The following PCDHA7 variants were observed in gnomAD, a reference collection of about 807,000 sequenced individuals.
PCDHA7 encodes protocadherin alpha-7.
A neutral mutation model predicts 57.2 loss-of-function variants in PCDHA7; 37 were observed. That is an observed-to-expected ratio of 0.65 (90% CI 0.50 to 0.85). The LOEUF (loss-of-function observed/expected upper bound fraction) is 0.85. PCDHA7 is among the 40% of genes least tolerant of loss of function. The probability of loss-of-function intolerance (pLI) is 0.00; values close to 1 mark genes in which losing one functional copy is unlikely to be tolerated. For synonymous variants in PCDHA7, 553 were observed against 558.8 expected (o/e 0.99, Z 0.15); for missense variants, 1,188 against 1,241.8 (o/e 0.96, Z 0.65).
intron 1 of PCDHA7, chr5:140,852,251 G>A: frequency 1.9e-6 from 1 of 527,556 alleles, no homozygotes; most frequent in Non-Finnish European, 2.5e-6. Flanking sequence ...ACACACTTTT[G>A]GAATATGCTA....
intron 1 of PCDHA7, chr5:140,871,538 ATTATTTAAAATCCAGTTTTTT>A (rs2053161122): frequency 1.3e-5 from 20 of 1,507,314 alleles, no homozygotes; most frequent in Non-Finnish European, 1.8e-5. Context: ...TGTATGTGAA[ATTATTTAAAATCCAGTTTTTT>A]TTCACGGATT....
Position 140,883,641 on chromosome 5 carries a change from C to T in PCDHA7, c.2355+46903C>T, listed in dbSNP as rs1427282306. On this transcript the variant is annotated intron_variant, in intron 1 of 3. Coordinates refer to ENST00000525929, the MANE Select transcript of PCDHA7 (RefSeq NM_018910.3). ...GACAACGCGCCGGCGTTCGCGCAGC[C>T]CGAGTACACGGTGTTCGTGAAGGAA... is the stretch of plus-strand genomic sequence containing the variant. 3.7e-6 allele frequency: 6 copies of T among 1,613,840 alleles called. No homozygotes were observed. In the Admixed American group the frequency reaches 6.7e-5, roughly 18 times the overall value.
chr5:140,850,652 T>C lies in PCDHA7; in HGVS notation c.2355+13914T>C, dbSNP rs2150492321. 4 of 1,598,476 alleles carry C rather than the reference T, an allele frequency of 2.5e-6. No homozygotes were observed. In the South Asian group the frequency reaches 3.3e-5, roughly 13 times the overall value. On this transcript the variant is annotated intron_variant, in intron 1 of 3. Coordinates refer to ENST00000525929, the MANE Select transcript of PCDHA7 (RefSeq NM_018910.3). ...TGGTTCTCACGCTGCTGCTGTACAC[T>C]GTGCTGCGGTGCTCGGCGATGCCCA...
At chr5:140,966,645 C>A in intron 1 of PCDHA7, 1 of 1,125,650 alleles carries the variant, frequency 8.9e-7, no homozygotes, top group African/African-American at 1.7e-5. Context: ...CTTTCTAGAG[C>A]GTGAGCGGTG....
At chr5:140,993,023 G>C (rs2097537603) in intron 3 of PCDHA7, among the ~76,000 whole-genome samples, 1 of 152,146 alleles carries the variant, frequency 6.6e-6, no homozygotes. Flanking sequence ...AGCATCCCCT[G>C]TGGGCTCCGT....
At chr5:140,860,513 C>A (rs1176536406) in intron 1 of PCDHA7, 3 of 152,110 alleles carry the variant, frequency 2.0e-5, no homozygotes, top group African/African-American at 7.2e-5. Context: ...AGATAAAACT[C>A]TTCATGGAAT....
intron 1 of PCDHA7, among the ~76,000 whole-genome samples, chr5:140,942,439 A>C (rs1554214983): frequency 6.6e-6 from 1 of 152,200 alleles, no homozygotes; most frequent in Non-Finnish European, 1.5e-5. Context: ...AACAATAAAC[A>C]AGTAAACTAT....
At position 140,953,768 on chromosome 5, in the gene PCDHA7, A is replaced by G. The variant is rs146090592; in HGVS notation, c.2356-25181A>G. Among the ~76,000 whole-genome samples, 15 of 152,248 alleles carry G rather than the reference A, an allele frequency of 9.9e-5. No homozygotes were observed. In the East Asian group the frequency reaches 2.7e-3, roughly 27 times the overall value. The stretch of plus-strand genomic sequence containing the variant: ...TACATTTATCCAAGAATTAAATTTA[A>G]TATTTATTTATTTTTTTCTTCAACT... On this transcript the variant is annotated intron_variant, in intron 1 of 3. Coordinates refer to ENST00000525929, the MANE Select transcript of PCDHA7 (RefSeq NM_018910.3).
At chr5:140,883,225 C>T in intron 1 of PCDHA7, 1 of 1,613,914 alleles carries the variant, frequency 6.2e-7, no homozygotes, top group East Asian at 2.2e-5. Context: ...ATGAAATATC[C>T]GTGGAGGCAG....
intron 1 of PCDHA7, chr5:140,883,557 G>A (rs868923862): frequency 6.2e-7 from 1 of 1,614,214 alleles, no homozygotes; most frequent in Non-Finnish European, 8.5e-7. Flanking sequence ...GCGCGGGACG[G>A]GGGCTCGCCT....
At chr5:140,843,240 C>T (rs2150355693) in intron 1 of PCDHA7, 1 of 1,595,944 alleles carries the variant, frequency 6.3e-7, no homozygotes, top group Non-Finnish European at 8.6e-7. Context: ...CTGGACGAAG[C>T]GGACTCTCCG....
In PCDHA7 at chr5:140,838,192, C is replaced by CA. The variant is rs1413754072; in HGVS notation, c.2355+1458dup. ...GCAGTGGTGCAATCTCAGCTCACTG[C>CA]AAAATCCGCCTCTCTGGTACAAGCA... On this transcript the variant is annotated intron_variant, in intron 1 of 3. Transcript: ENST00000525929. Among the ~76,000 whole-genome samples the CA allele has an allele frequency of 5.3e-5, 8 of 149,554 alleles. 1 individual carries two copies. The highest frequency in any genetic ancestry group is 9.9e-5 in the African/African-American group (4 of 40,474).
At chr5:140,982,226 A>G in intron 2 of PCDHA7, 1 of 603,292 alleles carries the variant, frequency 1.7e-6, no homozygotes, top group Non-Finnish European at 2.5e-6. Context: ...GCGTTAATAA[A>G]AAACAGAATT....
intron 1 of PCDHA7, among the ~76,000 whole-genome samples, chr5:140,914,439 T>G (rs1352001626): frequency 6.6e-6 from 1 of 152,192 alleles, no homozygotes; most frequent in Admixed American, 6.6e-5. Flanking sequence ...TCTTTTCCCA[T>G]GTCTTTATTT....
At chr5:140,993,509 CGG>C (rs2097568014) in intron 3 of PCDHA7, among the ~76,000 whole-genome samples, 2 of 143,600 alleles carry the variant, frequency 1.4e-5, no homozygotes, top group South Asian at 4.6e-4. Context: ...CACACACACA[CGG>C]GGAGAGAGAG....
intron 1 of PCDHA7, chr5:140,877,128 G>C (rs782052511): frequency 3.1e-6 from 5 of 1,613,762 alleles, no homozygotes; most frequent in Non-Finnish European, 4.2e-6. Flanking sequence ...TGACGCTGCA[G>C]GTGTTCGTGC....
At chr5:140,875,905 T>A (rs1554168057) in intron 1 of PCDHA7, 1 of 1,614,222 alleles carries the variant, frequency 6.2e-7, no homozygotes, top group Admixed American at 1.7e-5. Flanking sequence ...TGTTTCTGAA[T>A]CTGCGCCTCT....
At chr5:140,880,420 A>C (rs1554171279) in intron 1 of PCDHA7, among the ~76,000 whole-genome samples, 2 of 152,230 alleles carry the variant, frequency 1.3e-5, no homozygotes, top group Non-Finnish European at 2.9e-5. Context: ...TAAAAGCGGG[A>C]ACAGTTTTTC....
chr5:140,943,270 AAAAAAAAG>A (rs1301290983), intron 1 of PCDHA7, among the ~76,000 whole-genome samples: 4 of 150,618 alleles, frequency 2.7e-5, no homozygotes, highest in African/African-American at 4.9e-5. Context: ...AAAAAAAAAA[AAAAAAAAG>A]AAAGAAAGAA....
Sources: gnomAD v4.1 joint callset for allele counts (sites outside exome capture counted in the v4.1 genomes callset) on GRCh38, gnomAD v4.1.1 for gene constraint, MANE v1.5 for transcripts, NCBI Gene and HGNC (gene_info 2026-07-23, HGNC 2026-07-21) for gene names.